CHKB: variants seen among roughly 807,000 people sequenced by gnomAD.
CHKB encodes the protein choline kinase beta.
In CHKB, 45 loss-of-function variants were observed where a neutral mutation model predicts 57.3. That is an observed-to-expected ratio of 0.79 (90% CI 0.62 to 1.01). CHKB has a LOEUF of 1.01. CHKB is among the 50% of genes least tolerant of loss of function. The probability of loss-of-function intolerance (pLI) is 0.00; values close to 1 mark genes in which losing one functional copy is unlikely to be tolerated. For missense variants in CHKB, 517 were observed against 502.8 expected, an observed-to-expected ratio of 1.03 and a Z score of -0.27; for synonymous variants, 224 against 201.8, an observed-to-expected ratio of 1.11 and a Z score of -0.93.
chr22:50,579,659 A>T (rs1313772540), intron 9 of CHKB, 68 bp downstream of exon 9: 6 of 1,519,180 alleles, frequency 3.9e-6, no homozygotes, highest in Non-Finnish European at 5.5e-6. Flanking sequence ...CAGCTTGATA[A>T]ATCTGCCTCT....
At position 50,580,350 on chromosome 22, in the gene CHKB, T is replaced by C; in HGVS notation, c.736+8A>G. 2 of 1,613,946 alleles carry C rather than the reference T, an allele frequency of 1.2e-6. No individual in the cohort carries two copies. Among genetic ancestry groups the C allele is most frequent in the Non-Finnish European group, 1.7e-6 (2 of 1,180,004 alleles). ...CTTGGGTTAGGAGACTCAGATGCCT[T>C]CTCCTACCTTCCTGGATGTCATTGT... On this transcript the variant is annotated splice_region_variant and intron_variant, in intron 6 of 10. Transcript: ENST00000406938.
Position 50,580,228 on chromosome 22 carries a change from G to C in CHKB, c.780C>G (p.Leu260=), listed in dbSNP as rs781264108. 5 of 1,613,862 alleles carry C rather than the reference G, an allele frequency of 3.1e-6. No individual in the cohort carries two copies. The highest frequency in any genetic ancestry group is 1.7e-5 in the Admixed American group (1 of 60,002). Residue 260 remains leucine (L), a synonymous_variant, in exon 7 of 11, where the codon CTC becomes CTG. Coordinates refer to ENST00000406938, the MANE Select transcript of CHKB (RefSeq NM_005198.5). The stretch of plus-strand genomic sequence containing the variant: ...TGCTGTACTCGAAGTCCACCAGCAT[G>C]AGGCTGTCAGCATTTTCTGGCTCTG... ...LLSEPENADS[L]MLVDFEYSSY...
intron 8 of CHKB, 72 bp from the exon 9 acceptor site, chr22:50,579,902 C>T (rs2070645274): frequency 4.4e-6 from 7 of 1,597,362 alleles, no homozygotes; most frequent in Non-Finnish European, 6.0e-6. Context: ...CCTTTCCGGC[C>T]ATTCCTTCCA....
chr22:50,581,287 T>TA, intron 4 of CHKB, 133 bp downstream of exon 4: 2 of 1,242,428 alleles, frequency 1.6e-6, no homozygotes, highest in Non-Finnish European at 2.3e-6. Context: ...GGCAAGCATT[T>TA]AAAAGCCTGT....
intron 5 of CHKB, 66 bp downstream of exon 5, chr22:50,580,499 C>T (rs2070667084): frequency 6.2e-7 from 1 of 1,610,088 alleles, no homozygotes; most frequent in African/African-American, 1.3e-5. Flanking sequence ...GGCCCTGACA[C>T]CAGCCCTCAG....
At position 50,582,371 on chromosome 22, in the gene CHKB, C is replaced by T; in HGVS notation, c.225-14G>A. The T allele has an allele frequency of 6.5e-7, 1 of 1,541,760 alleles. No homozygotes were observed. Among genetic ancestry groups the T allele is most frequent in the Non-Finnish European group, 8.7e-7 (1 of 1,144,172 alleles). On this transcript the variant is annotated splice_polypyrimidine_tract_variant and intron_variant, in intron 1 of 10. Coordinates refer to ENST00000406938, the MANE Select transcript of CHKB (RefSeq NM_005198.5). ...CTGAGGCCTCCGCTGCAGACCCACA[C>T]CAGGCGCGCTCAGCCCGCGGCCGGC...
At chr22:50,579,946 C>G (rs2070646687) in intron 8 of CHKB, 28 bp downstream of exon 8, 3 of 1,603,272 alleles carry the variant, frequency 1.9e-6, no homozygotes, top group Non-Finnish European at 2.6e-6. Context: ...CAGGATGGGT[C>G]CTGCTCCCCA....
rs921074687 is a variant in CHKB, at chr22:50,579,634, C to T, written c.1031+93G>A. ...CCCACTGTCCTAACTCCACTCTCCA[C>T]AGCCACCTTCCCTGCAGCTTGATAA... On this transcript the variant is annotated intron_variant, in intron 9 of 10. Transcript: ENST00000406938. 8.7e-6 allele frequency: 13 copies of T among 1,494,720 alleles called. No individual in the cohort carries two copies. In the Admixed American group the frequency reaches 1.3e-4, roughly 15 times the overall value. 92.6% of individuals were successfully genotyped at this position (1,494,720 alleles called of 1,614,324 possible). A position where few individuals can be genotyped will look rare whatever the true frequency, so the allele number is the denominator to read the frequency against.
At chr22:50,581,962 T>G in intron 2 of CHKB, 100 bp from the exon 3 acceptor site, 1 of 1,045,556 alleles carries the variant, frequency 9.6e-7, no homozygotes, top group Non-Finnish European at 1.5e-6. Context: ...TCTGATCCAA[T>G]TGCCTGGAGG....
chr22:50,582,640 G>A lies in CHKB; in HGVS notation c.142C>T (p.Arg48Ter). Residue 48 changes from arginine (R) to a stop codon, truncating the protein, a stop_gained, in exon 1 of 11, where the codon CGA becomes TGA. Coordinates refer to ENST00000406938, the MANE Select transcript of CHKB (RefSeq NM_005198.5). LOFTEE classifies it high-confidence loss of function. ...TACTCCCGGCACCATTGGTAGGCTC[G>A]GCGCTCGGCGTCACGCGACAGCGAC... Reference protein sequence around the residue: ...ASSLSRDAERRAYQWCREYLG... With the variant: ...ASSLSRDAER 1 of 1,610,888 alleles carries A rather than the reference G, an allele frequency of 6.2e-7. No individual in the cohort carries two copies. Among genetic ancestry groups the A allele is most frequent in the Non-Finnish European group, 8.5e-7 (1 of 1,179,384 alleles).
At chr22:50,581,362 C>T (rs1365970006) in intron 4 of CHKB, 58 bp downstream of exon 4, 23 of 1,604,306 alleles carry the variant, frequency 1.4e-5, no homozygotes, top group Admixed American at 3.4e-5. Context: ...CCGACACATC[C>T]GCTGGCATGG....
intron 4 of CHKB, among the ~76,000 whole-genome samples, chr22:50,580,949 T>G (rs2070679451): frequency 6.6e-6 from 1 of 151,848 alleles, no homozygotes; most frequent in Non-Finnish European, 1.5e-5. Flanking sequence ...CTGGCTAATT[T>G]TTTTGTATTT....
chr22:50,579,679 CCT>C lies in CHKB; in HGVS notation c.1031+46_1031+47del, dbSNP rs780087225. On this transcript the variant is annotated intron_variant, in intron 9 of 10. Transcript: ENST00000406938. ...TGATAAATCTGCCTCTTCCCCAATCCCTCTTTCCTCTGCTCTGCCCTACCCCA... is the reference window on the plus strand; with the variant it reads ...TGATAAATCTGCCTCTTCCCCAATCCCTTTCCTCTGCTCTGCCCTACCCCA... 8 of 1,548,536 alleles carry C rather than the reference CCT, an allele frequency of 5.2e-6. No homozygotes were observed. In the African/African-American group the frequency reaches 6.8e-5, roughly 13 times the overall value.
chr22:50,580,797 T>G, intron 4 of CHKB, 137 bp from the exon 5 acceptor site: 1 of 815,714 alleles, frequency 1.2e-6, no homozygotes, highest in Non-Finnish European at 2.0e-6. Context: ...TTTTTTCTTT[T>G]GAAATGGAGT....
In CHKB at chr22:50,582,367, C is replaced by T. The variant is rs1255841758; in HGVS notation, c.225-10G>A. The T allele has an allele frequency of 3.2e-6, 5 of 1,545,832 alleles. No individual in the cohort carries two copies. Among genetic ancestry groups the T allele is most frequent in the Non-Finnish European group, 4.4e-6 (5 of 1,146,776 alleles). ...GTTGCTGAGGCCTCCGCTGCAGACCCACACCAGGCGCGCTCAGCCCGCGGC... is the reference window on the plus strand; with the variant it reads ...GTTGCTGAGGCCTCCGCTGCAGACCTACACCAGGCGCGCTCAGCCCGCGGC... On this transcript the variant is annotated splice_polypyrimidine_tract_variant and intron_variant, in intron 1 of 10. Coordinates refer to ENST00000406938, the MANE Select transcript of CHKB (RefSeq NM_005198.5).
intron 8 of CHKB, 49 bp downstream of exon 8, chr22:50,579,925 C>G (rs984131563): frequency 6.3e-7 from 1 of 1,598,938 alleles, no homozygotes; most frequent in African/African-American, 1.3e-5. Flanking sequence ...CTCCACCTCC[C>G]TCCTTCCTCA....
At chr22:50,579,648 G>A in intron 9 of CHKB, 79 bp downstream of exon 9, 1 of 1,507,710 alleles carries the variant, frequency 6.6e-7, no homozygotes, top group Non-Finnish European at 9.2e-7. Flanking sequence ...CACCTTCCCT[G>A]CAGCTTGATA....
chr22:50,581,413 G>A lies in CHKB; in HGVS notation c.581+7C>T. On this transcript the variant is annotated splice_region_variant and intron_variant, in intron 4 of 10. Transcript: ENST00000406938. Reference sequence around the variant, plus strand: ...GTACAGGAGCCCTGAGGAGGCTCCTGACTCACCGCTCCATGGTCCCAAACA... The same window carrying A: ...GTACAGGAGCCCTGAGGAGGCTCCTAACTCACCGCTCCATGGTCCCAAACA... The A allele has an allele frequency of 6.2e-7, 1 of 1,612,926 alleles. No individual in the cohort carries two copies. Among genetic ancestry groups the A allele is most frequent in the Non-Finnish European group, 8.5e-7 (1 of 1,179,874 alleles).
intron 10 of CHKB, 49 bp downstream of exon 10, chr22:50,579,377 G>A (rs769424839): frequency 3.3e-5 from 53 of 1,592,656 alleles, no homozygotes; most frequent in Non-Finnish European, 4.3e-5. Flanking sequence ...TGTGGCTGCT[G>A]CTGCTCCCCA....
Sources: gnomAD v4.1 joint callset for allele counts (sites outside exome capture counted in the v4.1 genomes callset) on GRCh38, gnomAD v4.1.1 for gene constraint, MANE v1.5 for transcripts, NCBI Gene and HGNC (gene_info 2026-07-23, HGNC 2026-07-21) for gene names.